ABCA8: variants seen among roughly 807,000 people sequenced by gnomAD.
ABCA8 encodes ATP binding cassette subfamily A member 8.
In ABCA8, 177 loss-of-function variants were observed where a neutral mutation model predicts 192.3. That is an observed-to-expected ratio of 0.92 (90% CI 0.81 to 1.04). The LOEUF (loss-of-function observed/expected upper bound fraction) is 1.04, where lower values mean the gene tolerates loss of function less well. Among genes scored for constraint, ABCA8 ranks in the 50% least tolerant of loss-of-function variants. The pLI is 0.00. For synonymous variants in ABCA8, 642 were observed against 690.2 expected (o/e 0.93, Z 1.09); for missense variants, 1,915 against 1,904.8 (o/e 1.01, Z -0.10).
Position 68,935,262 on chromosome 17 carries a change from T to TTGTGTGTGTGTGTGTG in ABCA8, c.466+1673_466+1688dup, listed in dbSNP as rs71144641. Among the ~76,000 whole-genome samples the TTGTGTGTGTGTGTGTG allele has an allele frequency of 4.0e-3, 538 of 136,070 alleles. 8 individuals carry two copies. Among genetic ancestry groups the TTGTGTGTGTGTGTGTG allele is most frequent in the Admixed American group, 0.013 (182 of 13,618 alleles). 89.3% of individuals were successfully genotyped at this position (136,070 alleles called of 152,430 possible). On this transcript the variant is annotated intron_variant, in intron 5 of 39. Transcript: ENST00000586539. ...GGCAGACGCTGCCACGCCTGGCTAA[T>TTGTGTGTGTGTGTGTG]TGTGTGTGTGTGTGTGTGTGTGTGT...
chr17:68,880,552 C>T (rs2083790), intron 32 of ABCA8, among the ~76,000 whole-genome samples: 121,924 of 152,090 alleles, frequency 0.8, 49,215 homozygotes, highest in East Asian at 0.99. Flanking sequence ...AGGGCTGTGA[C>T]ATCCTTTTTA....
In ABCA8 at chr17:68,875,770, C is replaced by A. The variant is rs751613317; in HGVS notation, c.4371-37G>T. On this transcript the variant is annotated intron_variant, in intron 35 of 39. Transcript: ENST00000586539. Reference sequence around the variant, plus strand: ...AGAGATTATTTGCAATTTAGGAAATCCTCTAATTAATCAGAAAGAGATAGA... The same window carrying A: ...AGAGATTATTTGCAATTTAGGAAATACTCTAATTAATCAGAAAGAGATAGA... 5 of 1,589,960 alleles carry A rather than the reference C, an allele frequency of 3.1e-6. No homozygotes were observed. In the South Asian group the frequency reaches 4.6e-5, roughly 15 times the overall value.
intron 38 of ABCA8, 151 bp downstream of exon 38, chr17:68,869,549 C>T (rs2065994972): frequency 3.2e-6 from 2 of 624,838 alleles, no homozygotes; most frequent in Non-Finnish European, 5.8e-6. Flanking sequence ...CCTCTATCTC[C>T]TTGGTTTGGG....
chr17:68,880,930 T>G (rs1485589433), intron 32 of ABCA8, 190 bp downstream of exon 32: 3 of 594,368 alleles, frequency 5.0e-6, no homozygotes, highest in Non-Finnish European at 8.9e-6. Flanking sequence ...CCCTAAGGAT[T>G]CTGTGACAAC....
intron 4 of ABCA8, among the ~76,000 whole-genome samples, chr17:68,938,645 C>T (rs2068141184): frequency 6.6e-6 from 1 of 152,044 alleles, no homozygotes; most frequent in Non-Finnish European, 1.5e-5. Flanking sequence ...TTAGAATACT[C>T]ACACAGTTGT....
Position 68,869,708 on chromosome 17 carries a change from A to G in ABCA8, c.4703T>C (p.Leu1568Ser). The G allele has an allele frequency of 6.2e-7, 1 of 1,608,960 alleles. No homozygotes were observed. The highest frequency in any genetic ancestry group is 8.5e-7 in the Non-Finnish European group (1 of 1,175,502). Residue 1568 changes from leucine to serine, a missense_variant, in exon 38 of 40, where the codon TTA (leucine) becomes TCA (serine). By Grantham distance (145) the Leu-to-Ser change is moderately radical. Transcript: ENST00000586539. ...AAAGTCATACTTCTTACCCTTCTCTAATTTGAAGAAAGCTTGGGCTAAAGG... is the reference window on the plus strand; with the variant it reads ...AAAGTCATACTTCTTACCCTTCTCTGATTTGAAGAAAGCTTGGGCTAAAGG... ...VQPLAQAFFK[L>S]EKVKQSFDLE... is the part of the protein sequence containing the mutation.
chr17:68,886,937 A>T, intron 26 of ABCA8, 80 bp downstream of exon 26: 1 of 937,124 alleles, frequency 1.1e-6, no homozygotes, highest in Non-Finnish European at 1.6e-6. Flanking sequence ...TTATCATCCT[A>T]CAGAGGGCAA....
intron 17 of ABCA8, among the ~76,000 whole-genome samples, chr17:68,913,448 A>G (rs1567854954): frequency 6.6e-6 from 1 of 151,924 alleles, no homozygotes; most frequent in Non-Finnish European, 1.5e-5. Context: ...AAAAAGTTGA[A>G]AAATTTGAAA....
intron 21 of ABCA8, among the ~76,000 whole-genome samples, chr17:68,898,857 G>T (rs1003604687): frequency 2.0e-5 from 3 of 151,988 alleles, no homozygotes; most frequent in Non-Finnish European, 2.9e-5. Flanking sequence ...TCCCCATTTT[G>T]ATGTTATTAT....
In ABCA8 at chr17:68,884,762, C is replaced by T. The variant is rs959095949; in HGVS notation, c.3550-366G>A. The T allele has an allele frequency of 5.0e-5, 49 of 985,254 alleles. No individual in the cohort carries two copies. In the Admixed American group the frequency reaches 9.8e-4, roughly 20 times the overall value. 61.0% of individuals were successfully genotyped at this position (985,254 alleles called of 1,614,324 possible). A position where few individuals can be genotyped will look rare whatever the true frequency, so the allele number is the denominator to read the frequency against. On this transcript the variant is annotated intron_variant, in intron 27 of 39. Coordinates refer to ENST00000586539, the MANE Select transcript of ABCA8 (RefSeq NM_001288985.2). ...CTTCCTTTCCCCTTCCCATAGATAC[C>T]TCTTCACTCATGTACAGTAACTTCC... is the stretch of plus-strand genomic sequence containing the variant.
chr17:68,912,941 G>C (rs2067260168), intron 17 of ABCA8, among the ~76,000 whole-genome samples: 1 of 152,148 alleles, frequency 6.6e-6, no homozygotes, highest in African/African-American at 2.4e-5. Flanking sequence ...AATGGCTGCA[G>C]AATACACAGT....
intron 24 of ABCA8, among the ~76,000 whole-genome samples, chr17:68,888,354 T>TA (rs1346275629): frequency 6.6e-6 from 1 of 152,186 alleles, no homozygotes; most frequent in Non-Finnish European, 1.5e-5. Flanking sequence ...TATATTAAAC[T>TA]ATTCTAAGAG....
chr17:68,930,844 T>C (rs1480033236), intron 7 of ABCA8, among the ~76,000 whole-genome samples: 2 of 152,200 alleles, frequency 1.3e-5, no homozygotes, highest in Non-Finnish European at 2.9e-5. Flanking sequence ...CCTAATTTGT[T>C]GCCCTATGCA....
At chr17:68,915,505 CAAA>C (rs1186800059) in intron 17 of ABCA8, among the ~76,000 whole-genome samples, 16 of 151,988 alleles carry the variant, frequency 1.1e-4, no homozygotes, top group Non-Finnish European at 2.2e-4. Flanking sequence ...ATACAAATGA[CAAA>C]CAGGCATATG....
chr17:68,868,432 G>A, intron 38 of ABCA8, 76 bp from the exon 39 acceptor site: 1 of 1,292,308 alleles, frequency 7.7e-7, no homozygotes, highest in Non-Finnish European at 1.1e-6. Flanking sequence ...TAGTACAAAT[G>A]ATATATTTTT....
In ABCA8 at chr17:68,924,868, A is replaced by G; in HGVS notation, c.1275T>C (p.Asn425=). 1 of 1,613,670 alleles carries G rather than the reference A, an allele frequency of 6.2e-7. No individual in the cohort carries two copies. The highest frequency in any genetic ancestry group is 1.7e-5 in the Admixed American group (1 of 59,946). The change falls in exon 11 of 40, where the codon AAT becomes AAC. Residue 425 remains asparagine (N), a splice_region_variant and synonymous_variant. Coordinates refer to ENST00000586539, the MANE Select transcript of ABCA8 (RefSeq NM_001288985.2). The stretch of plus-strand genomic sequence containing the variant: ...AAGGTGGACGTCGATGTCCATATTC[A>G]TCTACATGGCCAGAAGACAATTAAA... The part of the protein sequence containing the change: ...LAIYFEKILP[N]EYGHRRPPLF...
intron 24 of ABCA8, among the ~76,000 whole-genome samples, chr17:68,888,656 T>C (rs2066550804): frequency 6.6e-6 from 1 of 152,184 alleles, no homozygotes. Context: ...CATTTAAGTA[T>C]CTCTACATTC....
In ABCA8 at chr17:68,882,642, C is replaced by T. The variant is rs773428007; in HGVS notation, c.3785G>A (p.Arg1262Lys). Residue 1262 changes from arginine to lysine, a missense_variant, in exon 30 of 40, where the codon AGA becomes AAA. Physicochemically the swap from Arg to Lys is conservative, Grantham distance 26. Transcript: ENST00000586539. The stretch of plus-strand genomic sequence containing the variant: ...ATTCAAGGCATTTGCTGTTCTCACT[C>T]TTTCCATCTGAACATCTTCATCCTC... The part of the protein sequence containing the change: ...EGEDEDVQME[R>K]VRTANALNST... 1.9e-6 allele frequency: 3 copies of T among 1,613,054 alleles called. No homozygotes were observed. Among genetic ancestry groups the T allele is most frequent in the East Asian group, 2.2e-5 (1 of 44,808 alleles).
chr17:68,948,655 G>T (rs1326282680), intron 2 of ABCA8, among the ~76,000 whole-genome samples: 4 of 152,096 alleles, frequency 2.6e-5, no homozygotes, highest in African/African-American at 9.7e-5. Context: ...TTTGTCAGAT[G>T]GGTAGATTGC....
Sources: gnomAD v4.1 joint callset for allele counts (sites outside exome capture counted in the v4.1 genomes callset) on GRCh38, gnomAD v4.1.1 for gene constraint, MANE v1.5 for transcripts, NCBI Gene and HGNC (gene_info 2026-07-23, HGNC 2026-07-21) for gene names.